Variants in COL19A1 observed in about 807,000 individuals in gnomAD.
COL19A1 encodes the protein collagen type XIX alpha 1 chain, also known as collagen alpha-1(XIX) chain.
A neutral mutation model predicts 190.2 loss-of-function variants in COL19A1; 159 were observed. The observed-to-expected ratio is 0.84, with a 90% confidence interval of 0.73 to 0.95. The LOEUF (loss-of-function observed/expected upper bound fraction) is 0.95, where lower values mean the gene tolerates loss of function less well. COL19A1 is among the 40% of genes least tolerant of loss of function. COL19A1 has a pLI of 0.00. For synonymous variants in COL19A1, 509 were observed against 458.9 expected (o/e 1.11, Z -1.39); for missense variants, 1,418 against 1,431.9 (o/e 0.99, Z 0.16).
chr6:69,930,239 T>A (rs1346808040), intron 6 of COL19A1, among the ~76,000 whole-genome samples: 1 of 152,090 alleles, frequency 6.6e-6, no homozygotes, highest in Non-Finnish European at 1.5e-5. Context: ...AAGAGAAAAA[T>A]TGCCTAGTAA....
At chr6:70,140,111 G>A (rs1583007530) in intron 19 of COL19A1, among the ~76,000 whole-genome samples, 1 of 152,008 alleles carries the variant, frequency 6.6e-6, no homozygotes, top group Middle Eastern at 3.4e-3. Flanking sequence ...TCATCATGTT[G>A]GGTAGATATG....
intron 11 of COL19A1, among the ~76,000 whole-genome samples, chr6:69,967,896 T>C (rs1413818545): frequency 6.6e-6 from 1 of 151,568 alleles, no homozygotes; most frequent in Non-Finnish European, 1.5e-5. Context: ...ATGAATACAA[T>C]TATTTAAATG....
At chr6:70,181,789 T>G (rs891028339) in intron 44 of COL19A1, among the ~76,000 whole-genome samples, 1 of 151,440 alleles carries the variant, frequency 6.6e-6, no homozygotes, top group Non-Finnish European at 1.5e-5. Flanking sequence ...CTGCATAAAG[T>G]GAGAAGTCAA....
chr6:70,018,042 A>G (rs1208665252), intron 11 of COL19A1, among the ~76,000 whole-genome samples: 1 of 152,140 alleles, frequency 6.6e-6, no homozygotes, highest in East Asian at 1.9e-4. Context: ...ATTTTGTTTT[A>G]ACAGAAGATT....
At chr6:69,981,701 T>C (rs1325583216) in intron 11 of COL19A1, among the ~76,000 whole-genome samples, 11 of 151,902 alleles carry the variant, frequency 7.2e-5, no homozygotes, top group Non-Finnish European at 1.6e-4. Flanking sequence ...GTATGTGTTT[T>C]ATATTTATAA....
rs533587732 is a variant in COL19A1 at position 69,913,229 on chromosome 6, A to G, written c.266+12891A>G. ...GGGCTATATTGAGAAAAAATATTTT[A>G]TGTTATATTGTCATTATTATTTCTA... On this transcript the variant is annotated intron_variant, in intron 4 of 50. Coordinates refer to ENST00000620364, the MANE Select transcript of COL19A1 (RefSeq NM_001858.6). Among the ~76,000 whole-genome samples, 3 of 152,316 alleles carry G rather than the reference A, an allele frequency of 2.0e-5. No homozygotes were observed. In the East Asian group the frequency reaches 5.8e-4, roughly 29 times the overall value.
At chr6:70,060,480 A>T (rs971498080) in intron 14 of COL19A1, among the ~76,000 whole-genome samples, 3 of 148,840 alleles carry the variant, frequency 2.0e-5, no homozygotes, top group African/African-American at 7.6e-5. Context: ...AGCAAGCTTC[A>T]TCTGTATCTA....
At position 70,144,941 on chromosome 6, in the gene COL19A1, C is replaced by T; in HGVS notation, c.1704C>T (p.Gly568=). 1 of 1,585,772 alleles carries T rather than the reference C, an allele frequency of 6.3e-7. No individual in the cohort carries two copies. The highest frequency in any genetic ancestry group is 1.2e-5 in the South Asian group (1 of 86,834). The change falls in exon 25 of 51, where the codon GGC becomes GGT. Residue 568 remains glycine (G), a synonymous_variant. Transcript: ENST00000620364. ...AGGGAGATCCGGGTGGGATCATAGG[C>T]CCTCCCGGGCTTCCAGGTCCAAAAG... The part of the protein sequence containing the change: ...GEKGDPGGII[G]PPGLPGPKGE...
chr6:70,168,157 AT>A lies in COL19A1; in HGVS notation c.2497-10del. ...ATCTTTCTCTTTTTCTTTTCTTTTC[AT>A]TTTCTTTTGAAGGGAGGTGTGAATG... On this transcript the variant is annotated splice_polypyrimidine_tract_variant and intron_variant, in intron 38 of 50. Transcript: ENST00000620364. 6.2e-7 allele frequency: 1 copy of A among 1,612,046 alleles called. No individual in the cohort carries two copies. The highest frequency in any genetic ancestry group is 1.1e-5 in the South Asian group (1 of 90,722).
intron 14 of COL19A1, chr6:70,059,826 T>G (rs1241505131): frequency 1.9e-6 from 1 of 512,922 alleles, no homozygotes; most frequent in South Asian, 1.5e-5. Flanking sequence ...TGCAAAATTT[T>G]AGAAATAACT....
At chr6:70,081,547 A>G (rs1782255446) in intron 15 of COL19A1, among the ~76,000 whole-genome samples, 1 of 152,214 alleles carries the variant, frequency 6.6e-6, no homozygotes, top group African/African-American at 2.4e-5. Context: ...ACCAGAATGT[A>G]AATCAACACA....
At chr6:69,966,055 C>T in intron 11 of COL19A1, among the ~76,000 whole-genome samples, 1 of 152,200 alleles carries the variant, frequency 6.6e-6, no homozygotes, top group East Asian at 1.9e-4. Context: ...TATCTGTCAG[C>T]CTTCCCAGCA....
chr6:69,873,663 A>G (rs1767968421), intron 1 of COL19A1, among the ~76,000 whole-genome samples: 1 of 152,230 alleles, frequency 6.6e-6, no homozygotes, highest in African/African-American at 2.4e-5. Context: ...AACATATGGT[A>G]TGCAGACCTC....
intron 11 of COL19A1, among the ~76,000 whole-genome samples, chr6:69,994,497 C>T (rs1562069562): frequency 6.6e-6 from 1 of 152,082 alleles, no homozygotes; most frequent in Non-Finnish European, 1.5e-5. Flanking sequence ...TCACTGGATT[C>T]CCAGGCAACA....
chr6:70,025,783 A>G (rs143901572), intron 12 of COL19A1, among the ~76,000 whole-genome samples: 2 of 152,374 alleles, frequency 1.3e-5, no homozygotes, highest in East Asian at 3.9e-4. Context: ...GGTTATTAAT[A>G]TTATGACAGA....
Position 70,179,826 on chromosome 6 carries a change from G to C in COL19A1, c.2668-486G>C, listed in dbSNP as rs977462645. 3.9e-5 allele frequency among the ~76,000 whole-genome samples: 6 copies of C among 152,244 alleles called. No individual in the cohort carries two copies. The South Asian group carries it at 1.0e-3, about 26-fold the overall frequency. On this transcript the variant is annotated intron_variant, in intron 42 of 50. Transcript: ENST00000620364. The stretch of plus-strand genomic sequence containing the variant: ...CACCCCAGTCTGAAACTTATGGCCT[G>C]CGGAGTTGACTATATGTTCCCCAGT...
rs1765313937 is a variant in COL19A1 at position 70,168,660 on chromosome 6, A to C, written c.2547A>C (p.Pro849=). 1.2e-6 allele frequency: 2 copies of C among 1,612,406 alleles called. No homozygotes were observed. Among genetic ancestry groups the C allele is most frequent in the Admixed American group, 1.7e-5 (1 of 59,722 alleles). ...TTTCCATGTTTCTCTTACAGGGCCC[A>C]AAAGGCGATCCTGGCCCAGTGGTAT... ...SYPGPPGPPG[P]KGDPGPVGEP... Residue 849 remains proline (P), a synonymous_variant, in exon 40 of 51, where the codon CCA becomes CCC. Transcript: ENST00000620364.
At chr6:70,194,031 C>T (rs748334194) in intron 48 of COL19A1, among the ~76,000 whole-genome samples, 4 of 152,226 alleles carry the variant, frequency 2.6e-5, no homozygotes, top group Non-Finnish European at 4.4e-5. Flanking sequence ...AGTTAAGTAG[C>T]ACCCGTCTCC....
chr6:70,021,223 C>T (rs1168113490), intron 11 of COL19A1, among the ~76,000 whole-genome samples: 1 of 152,052 alleles, frequency 6.6e-6, no homozygotes, highest in African/African-American at 2.4e-5. Flanking sequence ...CAGTATGTTT[C>T]TTCTTTAGTC....
Sources: allele counts gnomAD v4.1 joint callset (sites outside exome capture counted in the v4.1 genomes callset), GRCh38; gene constraint gnomAD v4.1.1; transcripts MANE v1.5; gene names NCBI Gene and HGNC (gene_info 2026-07-23, HGNC 2026-07-21).